The following SYNPR variants were observed in gnomAD, a reference collection of about 807,000 sequenced individuals.
SYNPR encodes synaptoporin.
Under a neutral mutation model 32.9 loss-of-function variants are expected in SYNPR, and 23 were observed. The observed-to-expected ratio is 0.70, with a 90% CI of 0.50 to 0.99. SYNPR has a LOEUF of 0.99. Among genes scored for constraint, SYNPR ranks in the 50% least tolerant of loss-of-function variants. The probability of loss-of-function intolerance (pLI) is 0.00; values close to 1 mark genes in which losing one functional copy is unlikely to be tolerated. For synonymous variants in SYNPR, 146 were observed against 135.9 expected, an observed-to-expected ratio of 1.07 and a Z score of -0.52; for missense variants, 318 against 349.3, an observed-to-expected ratio of 0.91 and a Z score of 0.71.
the SYNPR span, chr3:63,203,068 G>GTATATATATATACATATATATA: frequency 9.2e-6 from 1 of 108,594 alleles, no homozygotes; most frequent in Non-Finnish European, 1.8e-5. Context: ...ATATGTATGT[G>GTATATATATATACATATATATA]TATATATATA....
intron 2 of SYNPR, among the ~76,000 whole-genome samples, chr3:63,357,340 TTC>T (rs748260811): frequency 6.6e-6 from 1 of 152,174 alleles, no homozygotes; most frequent in African/African-American, 2.4e-5. Flanking sequence ...CTCTCTTTTT[TTC>T]TCTCTTTTGA....
intron 4 of SYNPR, among the ~76,000 whole-genome samples, chr3:63,598,962 A>C (rs1290469634): frequency 6.6e-6 from 1 of 152,214 alleles, no homozygotes; most frequent in Admixed American, 6.5e-5. Context: ...CTCAAGTGTG[A>C]GCCATTTACT....
intron 2 of SYNPR, among the ~76,000 whole-genome samples, chr3:63,478,756 G>C (rs970579407): frequency 3.3e-5 from 5 of 152,224 alleles, no homozygotes; most frequent in African/African-American, 1.2e-4. Context: ...TTACAGATGA[G>C]GAAACTTGGA....
intron 2 of SYNPR, among the ~76,000 whole-genome samples, chr3:63,342,741 A>G (rs1327417769): frequency 6.6e-6 from 1 of 152,126 alleles, no homozygotes; most frequent in Non-Finnish European, 1.5e-5. Context: ...ACCATCTGGG[A>G]TTGGAGATTT....
intron 2 of SYNPR, among the ~76,000 whole-genome samples, chr3:63,315,432 C>G (rs960349590): frequency 6.6e-6 from 1 of 151,948 alleles, no homozygotes; most frequent in African/African-American, 2.4e-5. Flanking sequence ...TTGTGGTTTT[C>G]CTTGTAGAGG....
chr3:63,599,399 T>TA (rs1700006310), intron 4 of SYNPR, among the ~76,000 whole-genome samples: 1 of 152,190 alleles, frequency 6.6e-6, no homozygotes, highest in African/African-American at 2.4e-5. Context: ...TTATACTATA[T>TA]TTTTACTGTA....
At chr3:63,277,967 T>A (rs2086592599), upstream of SYNPR, among the ~76,000 whole-genome samples, 1 of 152,172 alleles carries the variant, frequency 6.6e-6, no homozygotes, top group African/African-American at 2.4e-5. Context: ...TATGTATTTA[T>A]CATTATTATT....
At chr3:63,588,822 A>G (rs561080562) in intron 4 of SYNPR, among the ~76,000 whole-genome samples, 1 of 152,168 alleles carries the variant, frequency 6.6e-6, no homozygotes, top group African/African-American at 2.4e-5. Flanking sequence ...GTGTGAACTG[A>G]TCCACCCCAA....
At chr3:63,264,898 T>C (rs1327585036) in intron 2 of SYNPR, among the ~76,000 whole-genome samples, 2 of 133,354 alleles carry the variant, frequency 1.5e-5, no homozygotes, top group Non-Finnish European at 3.3e-5. Flanking sequence ...GATAACAGCA[T>C]GGGGGAAACA....
the SYNPR span, among the ~76,000 whole-genome samples, chr3:63,222,913 T>C: frequency 6.6e-6 from 1 of 152,200 alleles, no homozygotes; most frequent in Non-Finnish European, 1.5e-5. Context: ...GATTTAGGCA[T>C]TTGTAACACC....
chr3:63,546,239 G>A (rs954216641), intron 3 of SYNPR, among the ~76,000 whole-genome samples: 2 of 152,086 alleles, frequency 1.3e-5, no homozygotes, highest in Non-Finnish European at 2.9e-5. Flanking sequence ...CTCTTTGCAA[G>A]TCACTGTAAG....
intron 4 of SYNPR, among the ~76,000 whole-genome samples, chr3:63,601,875 A>C (rs2106893301): frequency 6.6e-6 from 1 of 152,260 alleles, no homozygotes; most frequent in East Asian, 1.9e-4. Context: ...GTTGAATGGT[A>C]GTTCTGTTTT....
chr3:63,321,045 A>C (rs563735657), intron 2 of SYNPR, among the ~76,000 whole-genome samples: 1 of 152,228 alleles, frequency 6.6e-6, no homozygotes, highest in East Asian at 1.9e-4. Flanking sequence ...CATTTGAATA[A>C]GCATGCTAGA....
intron 4 of SYNPR, among the ~76,000 whole-genome samples, chr3:63,572,872 A>T (rs1404969632): frequency 6.6e-6 from 1 of 152,108 alleles, no homozygotes; most frequent in Non-Finnish European, 1.5e-5. Context: ...ATTTTTAATA[A>T]GTATTAGAAT....
chr3:63,428,192 T>A (rs1699925530), intron 2 of SYNPR, among the ~76,000 whole-genome samples: 1 of 152,164 alleles, frequency 6.6e-6, no homozygotes, highest in Non-Finnish European at 1.5e-5. Context: ...AAAAATGAAA[T>A]CTCAAAGAGT....
chr3:63,294,395 A>G (rs2086773133), intron 2 of SYNPR, among the ~76,000 whole-genome samples: 1 of 152,166 alleles, frequency 6.6e-6, no homozygotes, highest in African/African-American at 2.4e-5. Flanking sequence ...TTGTACTCTA[A>G]TTTTGCAATG....
chr3:63,359,616 C>T (rs1348924820), intron 2 of SYNPR, among the ~76,000 whole-genome samples: 1 of 152,166 alleles, frequency 6.6e-6, no homozygotes, highest in Non-Finnish European at 1.5e-5. Flanking sequence ...GAGCAGTACT[C>T]CATGGCCCCA....
intron 2 of SYNPR, among the ~76,000 whole-genome samples, chr3:63,432,530 T>A (rs1575640941): frequency 6.6e-6 from 1 of 152,240 alleles, no homozygotes; most frequent in Non-Finnish European, 1.5e-5. Flanking sequence ...TTAATTCCTA[T>A]GAATTGCTTA....
At chr3:63,547,732 T>C (rs1046607686) in intron 3 of SYNPR, among the ~76,000 whole-genome samples, 23 of 152,164 alleles carry the variant, frequency 1.5e-4, no homozygotes, top group Non-Finnish European at 2.2e-4. Flanking sequence ...AAACAATTGA[T>C]AACATTGCAC....
Sources: allele counts gnomAD v4.1 joint callset (sites outside exome capture counted in the v4.1 genomes callset), GRCh38; gene constraint gnomAD v4.1.1; transcripts MANE v1.5; gene names NCBI Gene and HGNC (gene_info 2026-07-23, HGNC 2026-07-21).